IGF2BP3: variants seen among roughly 807,000 people sequenced by gnomAD.
IGF2BP3 encodes the protein insulin like growth factor 2 mRNA binding protein 3, also known as insulin-like growth factor 2 mRNA-binding protein 3.
Under a neutral mutation model 73.8 loss-of-function variants are expected in IGF2BP3, and 9 were observed. That is an observed-to-expected ratio of 0.12 (90% CI 0.07 to 0.21). The LOEUF (loss-of-function observed/expected upper bound fraction) is 0.21. Ranked by LOEUF, IGF2BP3 falls within the 10% of genes least tolerant of loss-of-function variation. The pLI, the probability that IGF2BP3 is intolerant of heterozygous loss-of-function variation, is 1.00. For missense variants in IGF2BP3, 542 were observed against 714.0 expected, an observed-to-expected ratio of 0.76 and a Z score of 2.75; for synonymous variants, 258 against 256.7, an observed-to-expected ratio of 1.01 and a Z score of -0.05.
intron 7 of IGF2BP3, among the ~76,000 whole-genome samples, chr7:23,346,661 C>T (rs1172869581): frequency 6.6e-6 from 1 of 151,330 alleles, no homozygotes; most frequent in South Asian, 2.1e-4. Context: ...GGCGCGATCT[C>T]GGCTCACTGC....
Position 23,345,984 on chromosome 7 carries a change from A to C in IGF2BP3, c.897T>G (p.Leu299=). The change falls in exon 8 of 15, where the codon CTT becomes CTG. Residue 299 remains leucine (L), a synonymous_variant. Transcript: ENST00000258729. ...TGTCTGTGTCTTGCTCAATTTTTTT[A>C]AGATTTCTTCCTTCTTTACCAATAA... is the stretch of plus-strand genomic sequence containing the variant. ...GRLIGKEGRN[L]KKIEQDTDTK... The C allele has an allele frequency of 6.2e-7, 1 of 1,613,614 alleles. No individual in the cohort carries two copies. The highest frequency in any genetic ancestry group is 8.5e-7 in the Non-Finnish European group (1 of 1,179,996).
At chr7:23,422,511 T>C (rs751445224) in intron 2 of IGF2BP3, among the ~76,000 whole-genome samples, 32 of 152,168 alleles carry the variant, frequency 2.1e-4, no homozygotes, top group Non-Finnish European at 7.4e-5. Context: ...GCTATAATCA[T>C]GCCACTGTAC....
At chr7:23,355,734 A>G (rs1288558023) in intron 5 of IGF2BP3, among the ~76,000 whole-genome samples, 1 of 152,098 alleles carries the variant, frequency 6.6e-6, no homozygotes, top group African/African-American at 2.4e-5. Context: ...GGAGTTCAAG[A>G]CCAGCTTGGA....
intron 10 of IGF2BP3, among the ~76,000 whole-genome samples, chr7:23,320,968 AAG>A (rs1784127070): frequency 6.9e-6 from 1 of 144,786 alleles, no homozygotes; most frequent in African/African-American, 2.8e-5. Flanking sequence ...AAAAAAAAAA[AAG>A]AAAAAACAAA....
At position 23,389,542 on chromosome 7, in the gene IGF2BP3, TG is replaced by T. The variant is rs145051063; in HGVS notation, c.286-27802del. 6.9e-3 allele frequency among the ~76,000 whole-genome samples: 1,010 copies of T among 147,196 alleles called. 54 individuals carry two copies. In the East Asian group the frequency reaches 0.12, roughly 18 times the overall value. ...AAATTACATGCAATATATTCAGTAC[TG>T]TTTTTTTTTTTAAATTACAAGACTA... On this transcript the variant is annotated intron_variant, in intron 3 of 14. Transcript: ENST00000258729.
At chr7:23,316,867 C>A (rs1023232964) in intron 12 of IGF2BP3, among the ~76,000 whole-genome samples, 9 of 152,068 alleles carry the variant, frequency 5.9e-5, no homozygotes, top group Non-Finnish European at 8.8e-5. Flanking sequence ...CTGTTGAATA[C>A]CCCCAGCACG....
intron 3 of IGF2BP3, among the ~76,000 whole-genome samples, chr7:23,367,037 G>A (rs1457918975): frequency 7.0e-6 from 1 of 143,180 alleles, no homozygotes; most frequent in Non-Finnish European, 1.5e-5. Flanking sequence ...GGAGTGCAGT[G>A]ACATGATCTT....
chr7:23,463,362 G>A (rs759105147), intron 2 of IGF2BP3, among the ~76,000 whole-genome samples: 3 of 152,128 alleles, frequency 2.0e-5, no homozygotes, highest in Non-Finnish European at 4.4e-5. Flanking sequence ...GTTTCAAAGC[G>A]TGGCAAAGAT....
At chr7:23,454,798 C>T (rs1788278295) in intron 2 of IGF2BP3, among the ~76,000 whole-genome samples, 1 of 152,206 alleles carries the variant, frequency 6.6e-6, no homozygotes, top group African/African-American at 2.4e-5. Context: ...TCACATTTTT[C>T]TCCAAAGGTT....
intron 3 of IGF2BP3, among the ~76,000 whole-genome samples, chr7:23,389,797 C>A (rs1444132349): frequency 4.1e-5 from 6 of 146,346 alleles, no homozygotes; most frequent in South Asian, 2.2e-4. Context: ...AGTTCAAGAC[C>A]AGCCTGGGCA....
chr7:23,427,795 C>T (rs886252688), intron 2 of IGF2BP3, among the ~76,000 whole-genome samples: 3 of 152,092 alleles, frequency 2.0e-5, no homozygotes, highest in Non-Finnish European at 4.4e-5. Flanking sequence ...CTCACGAGGT[C>T]AGGAGTTCAA....
intron 2 of IGF2BP3, among the ~76,000 whole-genome samples, chr7:23,421,584 C>A (rs576022484): frequency 8.1e-5 from 12 of 148,106 alleles, no homozygotes; most frequent in African/African-American, 3.0e-4. Flanking sequence ...CCCGGCTACT[C>A]GGGAGGCTGA....
At chr7:23,346,365 A>G (rs1784828041) in intron 7 of IGF2BP3, among the ~76,000 whole-genome samples, 1 of 152,224 alleles carries the variant, frequency 6.6e-6, no homozygotes. Flanking sequence ...AACACAACGT[A>G]CAAATAAAAA....
At chr7:23,409,416 C>T (rs924656692) in intron 3 of IGF2BP3, among the ~76,000 whole-genome samples, 26 of 151,992 alleles carry the variant, frequency 1.7e-4, no homozygotes, top group Non-Finnish European at 2.6e-4. Flanking sequence ...CCAAAATACA[C>T]GTGGAAAAGC....
chr7:23,374,290 G>A (rs890795026), intron 3 of IGF2BP3, among the ~76,000 whole-genome samples: 5 of 152,030 alleles, frequency 3.3e-5, no homozygotes, highest in African/African-American at 4.8e-5. Context: ...GTCATCCCTC[G>A]GTATCTGTGA....
At chr7:23,331,670 G>A (rs1191758923) in intron 10 of IGF2BP3, among the ~76,000 whole-genome samples, 2 of 152,024 alleles carry the variant, frequency 1.3e-5, no homozygotes, top group Non-Finnish European at 2.9e-5. Context: ...GACCAACCTG[G>A]GCAACATGGT....
At chr7:23,412,093 G>A (rs1319616283) in intron 3 of IGF2BP3, among the ~76,000 whole-genome samples, 2 of 133,656 alleles carry the variant, frequency 1.5e-5, no homozygotes, top group Non-Finnish European at 3.1e-5. Context: ...AGCAATTTTT[G>A]TGCCTCAGCC....
intron 2 of IGF2BP3, among the ~76,000 whole-genome samples, chr7:23,446,621 A>G (rs1584053860): frequency 6.6e-6 from 1 of 152,214 alleles, no homozygotes; most frequent in Admixed American, 6.5e-5. Context: ...CCACTATTTG[A>G]CAGCCACTAT....
At position 23,413,020 on chromosome 7, in the gene IGF2BP3, C is replaced by T. The variant is rs1268519637; in HGVS notation, c.285+5756G>A. Reference sequence around the variant, plus strand: ...GATTACAAGCCTGTGCCACCACACCCGGCTAATTTCTGTATTTTTAGTTAA... The same window carrying T: ...GATTACAAGCCTGTGCCACCACACCTGGCTAATTTCTGTATTTTTAGTTAA... On this transcript the variant is annotated intron_variant, in intron 3 of 14. Coordinates refer to ENST00000258729, the MANE Select transcript of IGF2BP3 (RefSeq NM_006547.3). Among the ~76,000 whole-genome samples, 10 of 150,620 alleles carry T rather than the reference C, an allele frequency of 6.6e-5. No individual in the cohort carries two copies. The Middle Eastern group carries it at 0.014, about 206-fold the overall frequency.
Sources: allele counts gnomAD v4.1 joint callset (sites outside exome capture counted in the v4.1 genomes callset), GRCh38; gene constraint gnomAD v4.1.1; transcripts MANE v1.5; gene names NCBI Gene and HGNC (gene_info 2026-07-23, HGNC 2026-07-21).